Variants in PDE5A observed in about 807,000 individuals in gnomAD.
The protein encoded by PDE5A is phosphodiesterase 5A, also known as cGMP-specific 3',5'-cyclic phosphodiesterase.
In PDE5A, 67 loss-of-function variants were observed where a neutral mutation model predicts 110.2. That is an observed-to-expected ratio of 0.61 (90% CI 0.50 to 0.75). The LOEUF is 0.75. Among genes scored for constraint, PDE5A ranks in the 30% least tolerant of loss-of-function variants. PDE5A has a pLI of 0.00. For missense variants in PDE5A, 862 were observed against 1,045.1 expected (o/e 0.82, Z 2.42); for synonymous variants, 328 against 351.2 (o/e 0.93, Z 0.74).
rs1311949314 is a variant in PDE5A, at chr4:119,542,343, A to G, written c.1572+116T>C. ...ATAAGGATCTCATCATCTAAATCACATAATTTTGGTGAGGACACAATGACG... is the reference window on the plus strand; with the variant it reads ...ATAAGGATCTCATCATCTAAATCACGTAATTTTGGTGAGGACACAATGACG... On this transcript the variant is annotated intron_variant, in intron 10 of 20. Transcript: ENST00000354960. 6 of 847,546 alleles carry G rather than the reference A, an allele frequency of 7.1e-6. No individual in the cohort carries two copies. In the East Asian group the frequency reaches 1.5e-4, roughly 21 times the overall value. The allele number at this position is 847,546 out of a possible 1,614,324, so 52.5% of individuals were successfully genotyped here.
chr4:119,498,423 ATG>A lies in PDE5A; in HGVS notation c.*176_*177del. 2 of 603,414 alleles carry A rather than the reference ATG, an allele frequency of 3.3e-6. No homozygotes were observed. Among genetic ancestry groups the A allele is most frequent in the Non-Finnish European group, 5.7e-6 (2 of 350,950 alleles). 37.4% of individuals were successfully genotyped at this position (603,414 alleles called of 1,614,324 possible). ...AGCATAAAACAAATATACAAAAAAT[ATG>A]TAATAGTCCTCTAAAAACATTCATG... On this transcript the variant is annotated 3_prime_UTR_variant, in exon 21 of 21. Transcript: ENST00000354960.
At chr4:119,532,643 A>G (rs183335710) in intron 11 of PDE5A, among the ~76,000 whole-genome samples, 18 of 152,292 alleles carry the variant, frequency 1.2e-4, no homozygotes, top group African/African-American at 3.6e-4. Context: ...CTCCTTGAAG[A>G]CCATAAAGCA....
In PDE5A at chr4:119,627,912, C is replaced by T; in HGVS notation, c.152+608G>A. The T allele has an allele frequency of 1.1e-5, 4 of 371,486 alleles. No homozygotes were observed. The highest frequency in any genetic ancestry group is 1.5e-5 in the Non-Finnish European group (4 of 268,522). The allele number at this position is 371,486 out of a possible 1,614,324, so 23.0% of individuals were successfully genotyped here. On this transcript the variant is annotated intron_variant, in intron 1 of 20. Transcript: ENST00000354960. This position sits in a 1 kb window ranked among gnomAD's most constrained non-coding sequence, Gnocchi z 4.6. ...CTGCAGAGCTCTACTTTTGGCGGCA[C>T]AGCCTTCGGCGGAAAAGCGAGTGAA...
At position 119,519,025 on chromosome 4, in the gene PDE5A, C is replaced by A. The variant is rs199571042; in HGVS notation, c.2000+20G>T. 65 of 1,569,082 alleles carry A rather than the reference C, an allele frequency of 4.1e-5. No individual in the cohort carries two copies. Among genetic ancestry groups the A allele is most frequent in the Non-Finnish European group, 5.4e-5 (62 of 1,140,648 alleles). On this transcript the variant is annotated intron_variant, in intron 14 of 20. Coordinates refer to ENST00000354960, the MANE Select transcript of PDE5A (RefSeq NM_001083.4). ...ACAATTAAAAGAAAACATTTTCTTG[C>A]TTTACTGGGAAAGTCTTACCGCTGT...
At chr4:119,565,581 T>A (rs1727902606) in intron 4 of PDE5A, among the ~76,000 whole-genome samples, 171 bp from the exon 5 acceptor site, 1 of 152,026 alleles carries the variant, frequency 6.6e-6, no homozygotes, top group East Asian at 1.9e-4. Flanking sequence ...ATTGGAATAG[T>A]CTCCTAAGGT....
At chr4:119,579,439 C>T (rs906381551) in intron 3 of PDE5A, among the ~76,000 whole-genome samples, 2 of 152,116 alleles carry the variant, frequency 1.3e-5, no homozygotes, top group African/African-American at 4.8e-5. Context: ...GGAACCAACC[C>T]AAATGTCCAA....
At chr4:119,572,418 T>G (rs1453929148) in intron 3 of PDE5A, among the ~76,000 whole-genome samples, 1 of 152,250 alleles carries the variant, frequency 6.6e-6, no homozygotes, top group African/African-American at 2.4e-5. Flanking sequence ...TTCCCATTTT[T>G]GGCTCTAGCC....
At chr4:119,543,818 T>A (rs1229056948) in intron 9 of PDE5A, 1 of 152,274 alleles carries the variant, frequency 6.6e-6, no homozygotes, top group Non-Finnish European at 1.5e-5. Flanking sequence ...TCCTTCCCAA[T>A]GACCTCCAGG....
At chr4:119,502,994 A>G (rs1725416365) in intron 18 of PDE5A, among the ~76,000 whole-genome samples, 1 of 152,180 alleles carries the variant, frequency 6.6e-6, no homozygotes. Flanking sequence ...ATGAAGACAC[A>G]TTCTTCCCTC....
chr4:119,621,222 T>C (rs1249177227), intron 1 of PDE5A, among the ~76,000 whole-genome samples: 1 of 152,232 alleles, frequency 6.6e-6, no homozygotes, highest in African/African-American at 2.4e-5. Context: ...ATCTAGAACT[T>C]CTGGGTCTGC....
chr4:119,610,089 A>G (rs945445401), intron 1 of PDE5A, among the ~76,000 whole-genome samples: 4 of 152,222 alleles, frequency 2.6e-5, no homozygotes, highest in African/African-American at 7.2e-5. Flanking sequence ...TTAAAAACAT[A>G]TAATTGTCCT....
In PDE5A at chr4:119,596,572, T is replaced by TACA. The variant is rs1729158988; in HGVS notation, c.781_782insTGT (p.Gly260_Tyr261insLeu). 1 of 1,604,034 alleles carries TACA rather than the reference T, an allele frequency of 6.2e-7. No homozygotes were observed. The highest frequency in any genetic ancestry group is 8.5e-7 in the Non-Finnish European group (1 of 1,175,136). ...CATACAAAGAATGCTTTGTGTCTTG[T>TACA]AGCCTGTAATTTGGTCAACTTCTGC... On this transcript the variant is annotated inframe_insertion, in exon 3 of 21. Transcript: ENST00000354960.
chr4:119,496,432 TAGTAA>T lies in PDE5A; in HGVS notation c.*2164_*2168del, dbSNP rs1377237442. ...GCCCAGCTTCCTTTAATGTCTCAAC[TAGTAA>T]AGTAAAATAAACAATATTCAAAGGC... On this transcript the variant is annotated 3_prime_UTR_variant, in exon 21 of 21. Transcript: ENST00000354960. 2 of 152,126 alleles carry T rather than the reference TAGTAA, an allele frequency of 1.3e-5. No homozygotes were observed. The highest frequency in any genetic ancestry group is 2.9e-5 in the Non-Finnish European group (2 of 67,994). The allele number at this position is 152,126 out of a possible 1,614,324, so 9.4% of individuals were successfully genotyped here.
intron 2 of PDE5A, among the ~76,000 whole-genome samples, chr4:119,597,510 A>G (rs1036403868): frequency 8.5e-5 from 13 of 152,090 alleles, no homozygotes; most frequent in African/African-American, 2.7e-4. Context: ...CTACAACAAC[A>G]TGAGGTTAGA....
rs573981702 is a variant in PDE5A, at chr4:119,622,820, C to A, written c.152+5700G>T. On this transcript the variant is annotated intron_variant, in intron 1 of 20. Coordinates refer to ENST00000354960, the MANE Select transcript of PDE5A (RefSeq NM_001083.4). ...CTCGGCTTGCAATGAGCCGAGATTGCGCCACTGCACTCCAGCCTGGGTAAC... is the reference window on the plus strand; with the variant it reads ...CTCGGCTTGCAATGAGCCGAGATTGAGCCACTGCACTCCAGCCTGGGTAAC... Among the ~76,000 whole-genome samples the A allele has an allele frequency of 5.0e-5, 7 of 141,050 alleles. No individual in the cohort carries two copies. The South Asian group carries it at 1.6e-3, about 31-fold the overall frequency. 92.5% of individuals were successfully genotyped at this position (141,050 alleles called of 152,430 possible).
chr4:119,551,733 CTA>C (rs1727363251), intron 9 of PDE5A, among the ~76,000 whole-genome samples: 1 of 152,074 alleles, frequency 6.6e-6, no homozygotes, highest in Non-Finnish European at 1.5e-5. Flanking sequence ...TTCTTTCTGA[CTA>C]AAACTCTCAT....
At chr4:119,538,808 GC>G (rs1726818956) in intron 11 of PDE5A, 151 bp downstream of exon 11, 1 of 684,954 alleles carries the variant, frequency 1.5e-6, no homozygotes, top group Non-Finnish European at 2.7e-6. Context: ...GTTATTTAAT[GC>G]CTTTTGCTTT....
chr4:119,528,329 T>A (rs1726401586), intron 11 of PDE5A, among the ~76,000 whole-genome samples: 1 of 152,126 alleles, frequency 6.6e-6, no homozygotes, highest in Admixed American at 6.6e-5. Flanking sequence ...GAACGAGAGT[T>A]AATCTTTGAG....
Position 119,511,600 on chromosome 4 carries a change from T to G in PDE5A, c.2001-466A>C, listed in dbSNP as rs192585638. On this transcript the variant is annotated intron_variant, in intron 14 of 20. Transcript: ENST00000354960. ...GTGTGCCTGCAAATAAGAAAAGGACTGACTGAGATGGAATTAACTGAGGTA... is the reference window on the plus strand; with the variant it reads ...GTGTGCCTGCAAATAAGAAAAGGACGGACTGAGATGGAATTAACTGAGGTA... 3.3e-5 allele frequency among the ~76,000 whole-genome samples: 5 copies of G among 152,204 alleles called. 1 individual carries two copies. Among genetic ancestry groups the G allele is most frequent in the Admixed American group, 3.3e-4 (5 of 15,262 alleles).
Sources: gnomAD v4.1 joint callset for allele counts (sites outside exome capture counted in the v4.1 genomes callset) on GRCh38, gnomAD v4.1.1 for gene constraint, Gnocchi (gnomAD v3.1) non-coding constraint, MANE v1.5 for transcripts, NCBI Gene and HGNC (gene_info 2026-07-23, HGNC 2026-07-21) for gene names.